Variants in ESF1 observed in about 807,000 individuals in gnomAD.
ESF1 encodes ESF1 homolog.
In ESF1, 58 loss-of-function variants were observed where a neutral mutation model predicts 92.0. The observed-to-expected ratio is 0.63, with a 90% CI of 0.51 to 0.78. The LOEUF (loss-of-function observed/expected upper bound fraction) is 0.78, where lower values mean the gene tolerates loss of function less well. Ranked by LOEUF, ESF1 falls within the 30% of genes least tolerant of loss-of-function variation. The probability of loss-of-function intolerance (pLI) is 0.00; values close to 1 mark genes in which losing one functional copy is unlikely to be tolerated. For synonymous variants in ESF1, 321 were observed against 313.7 expected, an observed-to-expected ratio of 1.02 and a Z score of -0.24; for missense variants, 922 against 989.1, an observed-to-expected ratio of 0.93 and a Z score of 0.91.
intron 9 of ESF1, among the ~76,000 whole-genome samples, chr20:13,747,714 G>GT (rs73619824): frequency 1 from 152,365 of 152,368 alleles, 76,181 homozygotes; most frequent in Non-Finnish European, 1. Context: ...TGAGAAATGT[G>GT]TAGGCATTTT....
rs760748708 is a variant in ESF1, at chr20:13,717,557, T to G, written c.2116-43A>C. 1.9e-5 allele frequency: 31 copies of G among 1,605,114 alleles called. No individual in the cohort carries two copies. The African/African-American group carries it at 3.6e-4, about 19-fold the overall frequency. On this transcript the variant is annotated intron_variant, in intron 12 of 13. Transcript: ENST00000617257. ...AAGTTCAAATGTACAACAGTGCTTT[T>G]TTTTCCACCCCCAAAAAGGAGTATA...
At chr20:13,743,253 C>G (rs1428155301) in intron 9 of ESF1, among the ~76,000 whole-genome samples, 1 of 152,066 alleles carries the variant, frequency 6.6e-6, no homozygotes, top group Non-Finnish European at 1.5e-5. Flanking sequence ...ATAACAAATG[C>G]TGGTGAGGGT....
chr20:13,718,944 T>C lies in ESF1; in HGVS notation c.2079A>G (p.Thr693=), dbSNP rs2049849184. Residue 693 remains threonine, a synonymous_variant, in exon 12 of 14, where the codon ACA becomes ACG. Coordinates refer to ENST00000617257, the MANE Select transcript of ESF1 (RefSeq NM_001276380.2). ...CTATTTCAATTTCTTCTTCTGGAGA[T>C]GTGCCATCTTTTGCAGATTTTACCG... ...KKSVKSAKDG[T]SPEEEIEIER... 2 of 1,605,380 alleles carry C rather than the reference T, an allele frequency of 1.2e-6. No individual in the cohort carries two copies. Among genetic ancestry groups the C allele is most frequent in the Non-Finnish European group, 1.7e-6 (2 of 1,177,460 alleles).
At chr20:13,718,344 C>T (rs2049844649) in intron 12 of ESF1, among the ~76,000 whole-genome samples, 1 of 152,224 alleles carries the variant, frequency 6.6e-6, no homozygotes, top group African/African-American at 2.4e-5. Context: ...AGGGGCACTG[C>T]TGCCTTCAAT....
At chr20:13,770,377 G>A (rs1025535918) in intron 6 of ESF1, among the ~76,000 whole-genome samples, 1 of 152,188 alleles carries the variant, frequency 6.6e-6, no homozygotes, top group African/African-American at 2.4e-5. Flanking sequence ...TGATTTTGTT[G>A]TTGTTTTTAC....
intron 11 of ESF1, among the ~76,000 whole-genome samples, chr20:13,720,203 C>G (rs1163146353): frequency 6.6e-6 from 1 of 152,118 alleles, no homozygotes; most frequent in Non-Finnish European, 1.5e-5. Context: ...GCTGAGTGAA[C>G]TGCCGTGAAG....
rs563822170 is a variant in ESF1, at chr20:13,722,304, TC to T, written c.2039-3321del. On this transcript the variant is annotated intron_variant, in intron 11 of 13. Coordinates refer to ENST00000617257, the MANE Select transcript of ESF1 (RefSeq NM_001276380.2). ...ATCCGGTTTTAGCATGAAGAAAATT[TC>T]TTTGCTAACAAAGAATTTACTATGA... Among the ~76,000 whole-genome samples the T allele has an allele frequency of 3.8e-3, 573 of 152,328 alleles. 3 individuals are homozygous for T. Among genetic ancestry groups the T allele is most frequent in the African/African-American group, 0.013 (525 of 41,580 alleles).
chr20:13,770,015 T>C lies in ESF1; in HGVS notation c.1410A>G (p.Ile470Met), dbSNP rs752949796. 1.3e-6 allele frequency: 2 copies of C among 1,595,664 alleles called. No individual in the cohort carries two copies. Among genetic ancestry groups the C allele is most frequent in the Admixed American group, 1.7e-5 (1 of 57,342 alleles). Residue 470 changes from isoleucine to methionine, a missense_variant, in exon 7 of 14, where the codon ATA (isoleucine) becomes ATG (methionine). By Grantham distance (10) the Ile-to-Met change is conservative. Coordinates refer to ENST00000617257, the MANE Select transcript of ESF1 (RefSeq NM_001276380.2). ...SSCSFIDLRF[I>M]PDDITFDDEP... The stretch of plus-strand genomic sequence containing the variant: ...CATCATCAAAAGTAATATCATCTGG[T>C]ATAAACCTAAGAAGTAAAGAAAAAA...
chr20:13,753,228 T>C (rs1310668805), intron 9 of ESF1, among the ~76,000 whole-genome samples: 1 of 152,002 alleles, frequency 6.6e-6, no homozygotes, highest in Non-Finnish European at 1.5e-5. Flanking sequence ...TAGTCAGTTA[T>C]TAGTCATTAA....
intron 9 of ESF1, among the ~76,000 whole-genome samples, chr20:13,754,396 T>C (rs1978785436): frequency 6.6e-6 from 1 of 152,178 alleles, no homozygotes; most frequent in Non-Finnish European, 1.5e-5. Flanking sequence ...GGATCAGCTT[T>C]TGAACCTTTC....
intron 9 of ESF1, among the ~76,000 whole-genome samples, chr20:13,739,733 A>G (rs1212564756): frequency 6.6e-6 from 1 of 152,046 alleles, no homozygotes; most frequent in African/African-American, 2.4e-5. Flanking sequence ...AAAAAAAAAA[A>G]AAAAGAAAGC....
intron 9 of ESF1, among the ~76,000 whole-genome samples, chr20:13,737,907 C>T (rs1441671095): frequency 6.6e-6 from 1 of 152,168 alleles, no homozygotes; most frequent in Non-Finnish European, 1.5e-5. Flanking sequence ...CCGCCCACCT[C>T]GGCTTCCCAA....
chr20:13,779,982 C>T (rs1307974321), intron 2 of ESF1, among the ~76,000 whole-genome samples: 1 of 152,192 alleles, frequency 6.6e-6, no homozygotes, highest in East Asian at 1.9e-4. Flanking sequence ...CTCACATCAC[C>T]TTTACTTCAC....
chr20:13,776,159 C>G lies in ESF1; in HGVS notation c.749G>C (p.Gly250Ala). 1.2e-6 allele frequency: 2 copies of G among 1,613,926 alleles called. No homozygotes were observed. The highest frequency in any genetic ancestry group is 1.7e-6 in the Non-Finnish European group (2 of 1,179,910). Residue 250 changes from glycine (G) to alanine (A), a missense_variant, in exon 3 of 14, where the codon GGA becomes GCA. Transcript: ENST00000617257. ...TTCATTTTCAGATTCCTCATCACTT[C>G]CTATTTCACTAACGCTTTCTGAATC... is the stretch of plus-strand genomic sequence containing the variant. ...EEDSESVSEI[G>A]SDEESENEIT...
At chr20:13,770,216 C>T (rs932372498) in intron 6 of ESF1, among the ~76,000 whole-genome samples, 195 bp from the exon 7 acceptor site, 2 of 152,090 alleles carry the variant, frequency 1.3e-5, no homozygotes, top group Non-Finnish European at 1.5e-5. Context: ...AATTCATAAG[C>T]TATAACTCTG....
At chr20:13,718,825 T>C (rs1239754656) in intron 12 of ESF1, 83 bp downstream of exon 12, 1 of 967,276 alleles carries the variant, frequency 1.0e-6, no homozygotes, top group Admixed American at 3.6e-5. Flanking sequence ...TAAGTTGTTT[T>C]TTAAAATTAG....
At position 13,765,124 on chromosome 20, in the gene ESF1, G is replaced by C. The variant is rs533581471; in HGVS notation, c.1666+1653C>G. Among the ~76,000 whole-genome samples the C allele has an allele frequency of 7.2e-5, 11 of 152,240 alleles. No homozygotes were observed. The South Asian group carries it at 1.9e-3, about 26-fold the overall frequency. On this transcript the variant is annotated intron_variant, in intron 8 of 13. Transcript: ENST00000617257. ...CGCAGTCCCAGCTACTTGGGAGGCT[G>C]AGCCATGAGAATCGTTTGAACCCAG...
chr20:13,769,890 T>C lies in ESF1; in HGVS notation c.1518+17A>G. 1 of 1,513,504 alleles carries C rather than the reference T, an allele frequency of 6.6e-7. No individual in the cohort carries two copies. Among genetic ancestry groups the C allele is most frequent in the Non-Finnish European group, 9.2e-7 (1 of 1,091,090 alleles). 93.8% of individuals were successfully genotyped at this position (1,513,504 alleles called of 1,614,324 possible). A position where few individuals can be genotyped will look rare whatever the true frequency, so the allele number is the denominator to read the frequency against. On this transcript the variant is annotated intron_variant, in intron 7 of 13. Transcript: ENST00000617257. ...GCAATAGAGTCCAGCTACATATTTT[T>C]TAAAGTAAAGAAATACCGTTGATGT... is the stretch of plus-strand genomic sequence containing the variant.
At chr20:13,744,469 A>G (rs1439122824) in intron 9 of ESF1, among the ~76,000 whole-genome samples, 2 of 152,224 alleles carry the variant, frequency 1.3e-5, no homozygotes, top group Non-Finnish European at 2.9e-5. Flanking sequence ...GTCAGGTGAC[A>G]TCATCTCCAT....
Sources: allele counts gnomAD v4.1 joint callset (sites outside exome capture counted in the v4.1 genomes callset), GRCh38; gene constraint gnomAD v4.1.1; transcripts MANE v1.5; gene names NCBI Gene and HGNC (gene_info 2026-07-23, HGNC 2026-07-21).